RYR1: variants seen among roughly 807,000 people sequenced by gnomAD.
The protein encoded by RYR1 is central core disease of muscle.
A neutral mutation model predicts 583.5 loss-of-function variants in RYR1; 342 were observed. The observed-to-expected ratio is 0.59, with a 90% CI of 0.54 to 0.64. RYR1 has a LOEUF of 0.64. Ranked by LOEUF, RYR1 falls within the 30% of genes least tolerant of loss-of-function variation. The pLI, the probability that RYR1 is intolerant of heterozygous loss-of-function variation, is 0.00. For missense variants in RYR1, 6,032 were observed against 6,917.2 expected, an observed-to-expected ratio of 0.87 and a Z score of 4.54; for synonymous variants, 2,791 against 2,822.5, an observed-to-expected ratio of 0.99 and a Z score of 0.35.
intron 89 of RYR1, among the ~76,000 whole-genome samples, chr19:38,559,625 G>A (rs143143964): frequency 3.3e-5 from 5 of 152,080 alleles, no homozygotes; most frequent in African/African-American, 1.2e-4. Flanking sequence ...GAGGGGTTCC[G>A]GTGTGATTAT....
rs3039200 is a variant in RYR1 at position 38,585,369 on chromosome 19, G to GATAT, written c.14803+285_14803+288dup. Among the ~76,000 whole-genome samples, 7,793 of 140,980 alleles carry GATAT rather than the reference G, an allele frequency of 0.055. 378 individuals are homozygous for GATAT. Among genetic ancestry groups the GATAT allele is most frequent in the East Asian group, 0.18 (875 of 4,880 alleles). The allele number at this position is 140,980 out of a possible 152,430, so 92.5% of individuals were successfully genotyped here. A position where few individuals can be genotyped will look rare whatever the true frequency, so the allele number is the denominator to read the frequency against. The stretch of plus-strand genomic sequence containing the variant: ...ATATGAGTGCTCAATAAAGGCCTGA[G>GATAT]ATATATATATATATATATGTTTATT... On this transcript the variant is annotated intron_variant, in intron 102 of 105. Transcript: ENST00000359596.
chr19:38,453,054 A>G lies in RYR1; in HGVS notation c.1440+40A>G, dbSNP rs758139634. 2.2e-6 allele frequency: 3 copies of G among 1,335,156 alleles called. No homozygotes were observed. The South Asian group carries it at 3.5e-5, about 16-fold the overall frequency. 82.7% of individuals were successfully genotyped at this position (1,335,156 alleles called of 1,614,324 possible). A position where few individuals can be genotyped will look rare whatever the true frequency, so the allele number is the denominator to read the frequency against. Reference sequence around the variant, plus strand: ...AGGGCGGAGCGGGGCCTGTGGGCCCAGGGGGCGGGACCACTGAGGGGCGGG... The same window carrying G: ...AGGGCGGAGCGGGGCCTGTGGGCCCGGGGGGCGGGACCACTGAGGGGCGGG... On this transcript the variant is annotated intron_variant, in intron 13 of 105. Coordinates refer to ENST00000359596, the MANE Select transcript of RYR1 (RefSeq NM_000540.3).
rs1971894276 is a variant in RYR1, at chr19:38,534,808, G to T, written c.11348G>T (p.Ser3783Ile). 6.2e-7 allele frequency: 1 copy of T among 1,612,558 alleles called. No homozygotes were observed. The change falls in exon 79 of 106, where the codon AGT becomes ATT. Residue 3783 changes from serine (S) to isoleucine (I), a missense_variant. Physicochemically the swap from Ser to Ile is moderately radical, Grantham distance 142 (BLOSUM62 -2). Transcript: ENST00000359596. ...GCCGAGATGGTGCTGCAGATGATCAGTGCCTGCAAAGGTGCCCCTCACATG... is the reference window on the plus strand; with the variant it reads ...GCCGAGATGGTGCTGCAGATGATCATTGCCTGCAAAGGTGCCCCTCACATG... ...GAAEMVLQMISACKGETGAMV... is the reference protein window; with the variant it reads ...GAAEMVLQMIIACKGETGAMV...
Position 38,523,106 on chromosome 19 carries a change from C to T in RYR1, c.10338C>T (p.Ser3446=), listed in dbSNP as rs1971295096. 1 of 1,613,432 alleles carries T rather than the reference C, an allele frequency of 6.2e-7. No individual in the cohort carries two copies. ...TGGGCGAGATCTTCATCTACTGGTCCAAGTCCCACGTGAGTGCCCACCCCA... is the reference window on the plus strand; with the variant it reads ...TGGGCGAGATCTTCATCTACTGGTCTAAGTCCCACGTGAGTGCCCACCCCA... The part of the protein sequence containing the change: ...RMVGEIFIYW[S]KSHNFKREEQ... The change falls in exon 68 of 106, where the codon TCC becomes TCT. Residue 3446 remains serine, a synonymous_variant. Transcript: ENST00000359596.
In RYR1 at chr19:38,517,388, A is replaced by G. The variant is rs1484467768; in HGVS notation, c.9715A>G (p.Met3239Val). The G allele has an allele frequency of 6.2e-7, 1 of 1,613,434 alleles. No individual in the cohort carries two copies. The highest frequency in any genetic ancestry group is 8.5e-7 in the Non-Finnish European group (1 of 1,179,916). Residue 3239 changes from methionine (M) to valine (V), a missense_variant, in exon 66 of 106, where the codon ATG becomes GTG. Met to Val is a conservative substitution (Grantham distance 21). Coordinates refer to ENST00000359596, the MANE Select transcript of RYR1 (RefSeq NM_000540.3). Reference protein sequence around the residue: ...ILGLPNSVEEMCPDIPVLERL... With the variant: ...ILGLPNSVEEVCPDIPVLERL... The stretch of plus-strand genomic sequence containing the variant: ...GGGGCTCCCCAACAGTGTGGAGGAG[A>G]TGTGTCCCGACATCCCGGTGCTGGA...
At chr19:38,453,629 TA>T (rs1461377632) in intron 13 of RYR1, among the ~76,000 whole-genome samples, 2 of 151,364 alleles carry the variant, frequency 1.3e-5, no homozygotes, top group Non-Finnish European at 2.9e-5. Context: ...TAGATGGTAA[TA>T]ACTGTTAAAG....
chr19:38,465,531 G>A (rs544382947), intron 23 of RYR1, among the ~76,000 whole-genome samples: 10 of 152,126 alleles, frequency 6.6e-5, no homozygotes, highest in African/African-American at 1.9e-4. Context: ...TTGGGAGGCC[G>A]AGGCGGGCGG....
At chr19:38,441,565 C>T (rs1477260453) in intron 2 of RYR1, among the ~76,000 whole-genome samples, 7 of 148,380 alleles carry the variant, frequency 4.7e-5, no homozygotes, top group African/African-American at 7.5e-5. Context: ...GGCAGGGGAT[C>T]GAGGGGCCGA....
intron 33 of RYR1, 41 bp from the exon 34 acceptor site, chr19:38,485,549 C>T (rs750838267): frequency 1.2e-6 from 2 of 1,603,654 alleles, no homozygotes; most frequent in South Asian, 1.1e-5. Context: ...ATGCAGGAGG[C>T]TCATTCATCT....
In RYR1 at chr19:38,460,666, G is replaced by A. The variant is rs906517233; in HGVS notation, c.2577+75G>A. The A allele has an allele frequency of 2.5e-5, 34 of 1,352,306 alleles. No homozygotes were observed. The East Asian group carries it at 3.0e-4, about 12-fold the overall frequency. 83.8% of individuals were successfully genotyped at this position (1,352,306 alleles called of 1,614,324 possible). A position where few individuals can be genotyped will look rare whatever the true frequency, so the allele number is the denominator to read the frequency against. On this transcript the variant is annotated intron_variant, in intron 20 of 105. Coordinates refer to ENST00000359596, the MANE Select transcript of RYR1 (RefSeq NM_000540.3). ...GTCAGAGAGGGGGCAGGGTGCCATC[G>A]TTCATGCCTGTAATCCCAGCACTTT...
intron 69 of RYR1, chr19:38,523,604 C>G: frequency 1.7e-6 from 1 of 604,042 alleles, no homozygotes; most frequent in Non-Finnish European, 2.9e-6. Context: ...CTCCATTTTC[C>G]TCTTCTCCAA....
Position 38,452,950 on chromosome 19 carries a change from A to G in RYR1, c.1376A>G (p.Gln459Arg). Residue 459 changes from glutamine (Q) to arginine (R), a missense_variant, in exon 13 of 106, where the codon CAG becomes CGG. Coordinates refer to ENST00000359596, the MANE Select transcript of RYR1 (RefSeq NM_000540.3). ...TTCGAGCCTCCCTCCGAGGACTTGC[A>G]GCACGAGGAGAAGCAGAGCAAGCTG... The part of the protein sequence containing the change: ...IYFEPPSEDL[Q>R]HEEKQSKLRS... 3 of 1,614,020 alleles carry G rather than the reference A, an allele frequency of 1.9e-6. No individual in the cohort carries two copies. Among genetic ancestry groups the G allele is most frequent in the Non-Finnish European group, 2.5e-6 (3 of 1,179,898 alleles).
In RYR1 at chr19:38,451,850, C is replaced by G. The variant is rs118192116; in HGVS notation, c.1209C>G (p.Ile403Met). Reference protein sequence around the residue: ...QQEESQAARMIHSTNGLYNQF... With the variant: ...QQEESQAARMMHSTNGLYNQF... ...AGGAGTCCCAGGCCGCCCGCATGAT[C>G]CACAGCACCAATGGCCTATACAACC... Residue 403 changes from isoleucine (I) to methionine (M), a missense_variant, in exon 12 of 106, where the codon ATC becomes ATG. Coordinates refer to ENST00000359596, the MANE Select transcript of RYR1 (RefSeq NM_000540.3). 3 of 1,614,126 alleles carry G rather than the reference C, an allele frequency of 1.9e-6. No individual in the cohort carries two copies. The highest frequency in any genetic ancestry group is 2.5e-6 in the Non-Finnish European group (3 of 1,180,022).
intron 81 of RYR1, 89 bp downstream of exon 81, chr19:38,535,481 C>T: frequency 1.0e-6 from 1 of 988,560 alleles, no homozygotes; most frequent in Non-Finnish European, 1.6e-6. Flanking sequence ...TGATTCTGCT[C>T]TTTCAGTCCA....
intron 70 of RYR1, 76 bp downstream of exon 70, chr19:38,524,005 C>T: frequency 1.9e-6 from 3 of 1,549,354 alleles, no homozygotes; most frequent in Non-Finnish European, 2.7e-6. Flanking sequence ...ACGCCCCCGC[C>T]TCGAGAAAAC....
At chr19:38,493,668 C>T (rs1969664611) in intron 38 of RYR1, among the ~76,000 whole-genome samples, 1 of 151,966 alleles carries the variant, frequency 6.6e-6, no homozygotes, top group Non-Finnish European at 1.5e-5. Flanking sequence ...TACAGGCGCG[C>T]AGCACCATGC....
intron 105 of RYR1, 71 bp from the exon 106 acceptor site, chr19:38,587,254 A>AT: frequency 1.9e-6 from 2 of 1,080,040 alleles, no homozygotes; most frequent in East Asian, 2.5e-5. Flanking sequence ...CCCTGTCTAA[A>AT]AATATATATA....
chr19:38,525,461 G>A lies in RYR1; in HGVS notation c.10585G>A (p.Asp3529Asn), dbSNP rs749796187. 7.4e-6 allele frequency: 12 copies of A among 1,613,906 alleles called. No homozygotes were observed. Among genetic ancestry groups the A allele is most frequent in the East Asian group, 4.5e-5 (2 of 44,882 alleles). The change falls in exon 71 of 106, where the codon GAC becomes AAC. Residue 3529 changes from aspartate (D) to asparagine (N), a missense_variant. Asp to Asn is a conservative substitution (Grantham distance 23, BLOSUM62 1). Transcript: ENST00000359596. ...CGGCCTGAATATGTGTGCGCCCACC[G>A]ACCAAGACCTCATCACGCTGGCCAA... is the stretch of plus-strand genomic sequence containing the variant. ...PIGLNMCAPT[D>N]QDLITLAKTR... is the part of the protein sequence containing the mutation.
rs200482860 is a variant in RYR1 at position 38,499,986 on chromosome 19, C to T, written c.7293C>T (p.Asp2431=). The stretch of plus-strand genomic sequence containing the variant: ...TGTCCTTCTATGCCGCCTTGATCGA[C>T]CTGCTCGGACGCTGTGCACCAGAGA... ...AIMSFYAALI[D]LLGRCAPEMH... is the part of the protein sequence containing the mutation. The change falls in exon 45 of 106, where the codon GAC becomes GAT. Residue 2431 remains aspartate (D), a synonymous_variant. Transcript: ENST00000359596. This position sits in a 1 kb window ranked among gnomAD's most constrained non-coding sequence, Gnocchi z 7.3. 11 of 1,614,186 alleles carry T rather than the reference C, an allele frequency of 6.8e-6. No homozygotes were observed. The Admixed American group carries it at 1.5e-4, about 22-fold the overall frequency.
Sources: gnomAD v4.1 joint callset for allele counts (sites outside exome capture counted in the v4.1 genomes callset) on GRCh38, gnomAD v4.1.1 for gene constraint, Gnocchi (gnomAD v3.1) non-coding constraint, MANE v1.5 for transcripts, NCBI Gene and HGNC (gene_info 2026-07-23, HGNC 2026-07-21) for gene names.